Variants in JAK2 observed in about 807,000 individuals in gnomAD.
JAK2 encodes tyrosine-protein kinase JAK2.
In JAK2, 86 loss-of-function variants were observed where a neutral mutation model predicts 139.3. That is an observed-to-expected ratio of 0.62 (90% CI 0.52 to 0.74). The LOEUF (loss-of-function observed/expected upper bound fraction) is 0.74. Ranked by LOEUF, JAK2 falls within the 30% of genes least tolerant of loss-of-function variation. The pLI is 0.00. For synonymous variants in JAK2, 490 were observed against 437.7 expected (o/e 1.12, Z -1.49); for missense variants, 1,421 against 1,360.3 (o/e 1.04, Z -0.70).
Position 5,080,348 on chromosome 9 carries a change from G to A in JAK2, c.2251G>A (p.Asp751Asn), listed in dbSNP as rs1234894762. ...TTTGTGGGAAATCTGCAGTGGAGGA[G>A]ATAAACCTCTAAGTGCTCTGGATTC... ...TTLWEICSGG[D>N]KPLSALDSQR... The change falls in exon 17 of 25, where the codon GAT becomes AAT. Residue 751 changes from aspartate to asparagine, a missense_variant. Asp to Asn is a conservative substitution (Grantham distance 23). Transcript: ENST00000381652. 1.2e-6 allele frequency: 2 copies of A among 1,613,782 alleles called. No individual in the cohort carries two copies. Among genetic ancestry groups the A allele is most frequent in the Admixed American group, 1.7e-5 (1 of 59,992 alleles).
rs555851492 is a variant in JAK2, at chr9:4,993,516, A to G, written c.-26+7494A>G. On this transcript the variant is annotated intron_variant, in intron 2 of 24. Transcript: ENST00000381652. ...TTCCTGCTGAGAATCTCCTTAATTC[A>G]TTAGGTCAGGTATGTATTTTATTTT... Among the ~76,000 whole-genome samples, 8 of 152,324 alleles carry G rather than the reference A, an allele frequency of 5.3e-5. 1 individual carries two copies. The highest frequency in any genetic ancestry group is 5.2e-4 in the Admixed American group (8 of 15,296).
At chr9:5,060,811 A>G (rs1192741844) in intron 8 of JAK2, among the ~76,000 whole-genome samples, 2 of 151,220 alleles carry the variant, frequency 1.3e-5, no homozygotes, top group Non-Finnish European at 3.0e-5. Context: ...AAGTTTTTCT[A>G]TTTACCCAGC....
chr9:5,096,708 A>G (rs1191469475), intron 22 of JAK2: 2 of 152,160 alleles, frequency 1.3e-5, no homozygotes, highest in African/African-American at 4.8e-5. Context: ...TCACAAAGCT[A>G]TCGGAACACT....
chr9:5,076,452 T>C (rs954989239), intron 14 of JAK2, among the ~76,000 whole-genome samples: 7 of 152,180 alleles, frequency 4.6e-5, no homozygotes, highest in Admixed American at 4.6e-4. Flanking sequence ...GCAAAAAGAT[T>C]ACAACTTTCT....
At position 5,081,719 on chromosome 9, in the gene JAK2, C is replaced by T. The variant is rs1402787280; in HGVS notation, c.2435-6C>T. 1.3e-6 allele frequency: 2 copies of T among 1,580,218 alleles called. No homozygotes were observed. Among genetic ancestry groups the T allele is most frequent in the African/African-American group, 2.7e-5 (2 of 73,710 alleles). On this transcript the variant is annotated splice_region_variant and splice_polypyrimidine_tract_variant and intron_variant, in intron 18 of 24. Coordinates refer to ENST00000381652, the MANE Select transcript of JAK2 (RefSeq NM_004972.4). ...TTTAAGGTGATAATATTCTTTATTT[C>T]TCCAGATTATGAACTATTAACAGAA...
intron 2 of JAK2, among the ~76,000 whole-genome samples, chr9:5,017,110 A>G: frequency 6.6e-6 from 1 of 152,244 alleles, no homozygotes; most frequent in East Asian, 1.9e-4. Flanking sequence ...AGCAGACTTC[A>G]TATTTATGTT....
chr9:5,122,905 T>C, intron 22 of JAK2, 99 bp from the exon 23 acceptor site: 1 of 748,276 alleles, frequency 1.3e-6, no homozygotes, highest in Admixed American at 2.8e-5. Flanking sequence ...CTCTTTTCTC[T>C]ACATGTTTTT....
intron 2 of JAK2, among the ~76,000 whole-genome samples, chr9:5,021,500 C>T (rs1822426830): frequency 6.6e-6 from 1 of 152,156 alleles, no homozygotes; most frequent in South Asian, 2.1e-4. Context: ...TTGCATTGTG[C>T]TTTGTATGTA....
chr9:5,033,307 A>T (rs1187692994), intron 4 of JAK2, among the ~76,000 whole-genome samples: 2 of 152,216 alleles, frequency 1.3e-5, no homozygotes, highest in African/African-American at 4.8e-5. Context: ...CCAAGTTGGA[A>T]AACACTCTGC....
rs1215724679 is a variant in JAK2, at chr9:5,057,368, T to C, written c.1056+1580T>C. 2.6e-5 allele frequency among the ~76,000 whole-genome samples: 4 copies of C among 152,156 alleles called. No homozygotes were observed. The South Asian group carries it at 8.3e-4, about 32-fold the overall frequency. ...GTCATTTTCCTCTTCATTCTGGCAT[T>C]TATTTCTCTTTATAATTTTGGTAAA... On this transcript the variant is annotated intron_variant, in intron 8 of 24. Coordinates refer to ENST00000381652, the MANE Select transcript of JAK2 (RefSeq NM_004972.4).
At chr9:5,061,094 A>G (rs972949656) in intron 8 of JAK2, among the ~76,000 whole-genome samples, 1 of 152,224 alleles carries the variant, frequency 6.6e-6, no homozygotes, top group Non-Finnish European at 1.5e-5. Flanking sequence ...AAACCATGCT[A>G]TAAACAATAG....
chr9:4,989,766 G>C (rs1051900454), intron 2 of JAK2, among the ~76,000 whole-genome samples: 1 of 152,164 alleles, frequency 6.6e-6, no homozygotes, highest in African/African-American at 2.4e-5. Flanking sequence ...ATGTATATAT[G>C]TATGATATGT....
rs1289312618 is a variant in JAK2 at position 5,024,946 on chromosome 9, C to G, written c.226+2733C>G. Among the ~76,000 whole-genome samples, 2 of 152,172 alleles carry G rather than the reference C, an allele frequency of 1.3e-5. 1 individual carries two copies. Among genetic ancestry groups the G allele is most frequent in the Admixed American group, 1.3e-4 (2 of 15,282 alleles). On this transcript the variant is annotated intron_variant, in intron 3 of 24. Coordinates refer to ENST00000381652, the MANE Select transcript of JAK2 (RefSeq NM_004972.4). The stretch of plus-strand genomic sequence containing the variant: ...TTGCCATCTTCAAGACTTTGCTTAA[C>G]TAGGGGGAGTGGAGCCGGGGCTGGT...
chr9:5,043,224 G>A (rs1247498490), intron 4 of JAK2, among the ~76,000 whole-genome samples: 1 of 152,174 alleles, frequency 6.6e-6, no homozygotes, highest in African/African-American at 2.4e-5. Flanking sequence ...GGCGGTGGCC[G>A]TGAGTCTGGT....
chr9:5,010,570 C>G (rs1439024879), intron 2 of JAK2, among the ~76,000 whole-genome samples: 1 of 152,178 alleles, frequency 6.6e-6, no homozygotes. Context: ...ATTCACCCGC[C>G]TCGGCCTCCC....
chr9:5,102,062 C>T (rs1047273328), intron 22 of JAK2, among the ~76,000 whole-genome samples: 5 of 152,158 alleles, frequency 3.3e-5, no homozygotes, highest in Admixed American at 2.6e-4. Context: ...CAGAAGTAGG[C>T]TTCAGAAGGT....
intron 22 of JAK2, among the ~76,000 whole-genome samples, chr9:5,119,086 A>G (rs973143243): frequency 6.6e-6 from 1 of 152,204 alleles, no homozygotes; most frequent in African/African-American, 2.4e-5. Flanking sequence ...TTTTAAATAT[A>G]TGATTTAAAC....
At chr9:5,042,151 G>C (rs1431942297) in intron 4 of JAK2, among the ~76,000 whole-genome samples, 1 of 120,862 alleles carries the variant, frequency 8.3e-6, no homozygotes, top group African/African-American at 3.3e-5. Context: ...TTTTTTTTGA[G>C]ACGGAGTCTC....
intron 4 of JAK2, among the ~76,000 whole-genome samples, chr9:5,038,581 T>C (rs1816245108): frequency 7.1e-6 from 1 of 141,260 alleles, no homozygotes; most frequent in Non-Finnish European, 1.5e-5. Flanking sequence ...GGACCAGAAG[T>C]GTTTTGGATT....
Sources: gnomAD v4.1 joint callset for allele counts (sites outside exome capture counted in the v4.1 genomes callset) on GRCh38, gnomAD v4.1.1 for gene constraint, MANE v1.5 for transcripts, NCBI Gene and HGNC (gene_info 2026-07-23, HGNC 2026-07-21) for gene names.